Variants in CCNE1 observed in about 807,000 individuals in gnomAD.
CCNE1 encodes cyclin E1.
CCNE1 carries 8 observed loss-of-function variants against 54.1 expected under a neutral mutation model. That is an observed-to-expected ratio of 0.15 (90% CI 0.09 to 0.27). The LOEUF (loss-of-function observed/expected upper bound fraction) is 0.27, where lower values mean the gene tolerates loss of function less well. CCNE1 is among the 10% of genes least tolerant of loss of function. The probability of loss-of-function intolerance (pLI) is 1.00; values close to 1 mark genes in which losing one functional copy is unlikely to be tolerated. For missense variants in CCNE1, 430 were observed against 514.9 expected, an observed-to-expected ratio of 0.84 and a Z score of 1.60; for synonymous variants, 179 against 185.2, an observed-to-expected ratio of 0.97 and a Z score of 0.27.
In CCNE1 at chr19:29,817,266, C is replaced by G; in HGVS notation, c.310C>G (p.Pro104Ala). The change falls in exon 5 of 12, where the codon CCG (proline) becomes GCG (alanine). Residue 104 changes from proline (P) to alanine (A), a missense_variant. Around this residue, in one of 2 missense-constraint regions of CCNE1, gnomAD observed 303 missense variants for 401.1 expected, o/e 0.76. Transcript: ENST00000262643. ...PRIIAPSRGS[P>A]LPVLSWANRE... ...GATTATTGCACCATCCAGAGGCTCC[C>G]CGCTGCCTGTACTGAGGTCAGTGCC... 6.2e-7 allele frequency: 1 copy of G among 1,614,214 alleles called. No homozygotes were observed. The highest frequency in any genetic ancestry group is 8.5e-7 in the Non-Finnish European group (1 of 1,180,050).
chr19:29,819,888 C>T (rs1253521959), intron 6 of CCNE1, among the ~76,000 whole-genome samples: 5 of 152,186 alleles, frequency 3.3e-5, no homozygotes, highest in Admixed American at 3.3e-4. Context: ...CCCTCATCCT[C>T]GGGGGTACAT....
intron 6 of CCNE1, among the ~76,000 whole-genome samples, chr19:29,818,316 G>A (rs533939275): frequency 9.9e-5 from 15 of 151,996 alleles, no homozygotes; most frequent in South Asian, 4.2e-4. Context: ...GTGAGCCACC[G>A]CACCCTGCCT....
rs1599595353 is a variant in CCNE1, at chr19:29,813,229, A to G, written c.180+192A>G. On this transcript the variant is annotated intron_variant, in intron 4 of 11. Transcript: ENST00000262643. Reference sequence around the variant, plus strand: ...CTCTGCCAGTCCTGGGATTCCAGGAAGCTTGGTGTTCCTGACTGGCACCGT... The same window carrying G: ...CTCTGCCAGTCCTGGGATTCCAGGAGGCTTGGTGTTCCTGACTGGCACCGT... 27 of 598,388 alleles carry G rather than the reference A, an allele frequency of 4.5e-5. No homozygotes were observed. The East Asian group carries it at 7.5e-4, about 17-fold the overall frequency. The allele number at this position is 598,388 out of a possible 1,614,324, so 37.1% of individuals were successfully genotyped here. A position where few individuals can be genotyped will look rare whatever the true frequency, so the allele number is the denominator to read the frequency against.
At position 29,823,741 on chromosome 19, in the gene CCNE1, C is replaced by T. The variant is rs759941749; in HGVS notation, c.1197C>T (p.Ser399=). ...LPSGLLTPPQ[S]GKKQSSGPEM... is the part of the protein sequence containing the mutation. ...GTGGGCTCCTCACCCCGCCACAGAG[C>T]GGTAAGAAGCAGAGCAGCGGGCCGG... The change falls in exon 12 of 12, where the codon AGC becomes AGT. Residue 399 remains serine, a synonymous_variant. Transcript: ENST00000262643. 2.7e-5 allele frequency: 44 copies of T among 1,613,952 alleles called. No individual in the cohort carries two copies. The highest frequency in any genetic ancestry group is 3.2e-5 in the Non-Finnish European group (38 of 1,179,994).
chr19:29,822,215 C>G, intron 9 of CCNE1, 25 bp from the exon 10 acceptor site: 1 of 1,610,918 alleles, frequency 6.2e-7, no homozygotes, highest in Non-Finnish European at 8.5e-7. Flanking sequence ...TGGCATCCAT[C>G]TCAGCGTTCT....
chr19:29,816,849 C>A, intron 4 of CCNE1, among the ~76,000 whole-genome samples: 1 of 114,756 alleles, frequency 8.7e-6, no homozygotes, highest in Non-Finnish European at 1.7e-5. Context: ...CTATCCCTCC[C>A]CCCTCCCCCC....
At chr19:29,823,397 A>G (rs1340391103) in intron 11 of CCNE1, among the ~76,000 whole-genome samples, 1 of 152,142 alleles carries the variant, frequency 6.6e-6, no homozygotes. Context: ...TACAAAAATT[A>G]GCTGGACATG....
rs766552278 is a variant in CCNE1, at chr19:29,820,821, A to T, written c.582A>T (p.Ser194=). ...CTCTTTTACAGCTTATTGGGATTTC[A>T]TCTTTATTTATTGCAGCCAAACTTG... is the stretch of plus-strand genomic sequence containing the variant. ...VKTLLQLIGI[S]SLFIAAKLEE... is the part of the protein sequence containing the mutation. The change falls in exon 7 of 12, where the codon TCA becomes TCT. Residue 194 remains serine, a synonymous_variant. Transcript: ENST00000262643. 2.1e-5 allele frequency: 34 copies of T among 1,600,236 alleles called. No homozygotes were observed. The African/African-American group carries it at 3.4e-4, about 16-fold the overall frequency.
At chr19:29,821,581 G>T (rs1210634798) in intron 7 of CCNE1, 141 bp from the exon 8 acceptor site, 15 of 294,570 alleles carry the variant, frequency 5.1e-5, no homozygotes, top group Admixed American at 3.2e-4. Context: ...TACAACCATT[G>T]GTGTGGCTTC....
At chr19:29,815,441 C>T (rs527543675) in intron 4 of CCNE1, among the ~76,000 whole-genome samples, 1 of 152,262 alleles carries the variant, frequency 6.6e-6, no homozygotes, top group African/African-American at 2.4e-5. Flanking sequence ...TGGGGAAGAG[C>T]TTTATCTGGC....
Position 29,821,756 on chromosome 19 carries a change from A to G in CCNE1, c.644A>G (p.Tyr215Cys). 1.2e-6 allele frequency: 2 copies of G among 1,613,254 alleles called. No individual in the cohort carries two copies. Among genetic ancestry groups the G allele is most frequent in the Non-Finnish European group, 1.7e-6 (2 of 1,179,292 alleles). ...CCTCCAAAGTTGCACCAGTTTGCGT[A>G]TGTGACAGATGGAGCTTGTTCAGGA... is the stretch of plus-strand genomic sequence containing the variant. ...IYPPKLHQFA[Y>C]VTDGACSGDE... is the part of the protein sequence containing the mutation. Residue 215 changes from tyrosine (Y) to cysteine (C), a missense_variant, in exon 8 of 12, where the codon TAT becomes TGT. By Grantham distance (194) the Tyr-to-Cys change is radical. Around this residue, in one of 2 missense-constraint regions of CCNE1, gnomAD observed 303 missense variants for 401.1 expected, o/e 0.76. Transcript: ENST00000262643.
chr19:29,821,843 A>G, intron 8 of CCNE1, 26 bp downstream of exon 8: 1 of 1,563,278 alleles, frequency 6.4e-7, no homozygotes, highest in East Asian at 2.2e-5. Flanking sequence ...TTTTCCGGCC[A>G]TTTTTTAAAT....
chr19:29,823,620 CTCTAATGTGTTG>C, intron 11 of CCNE1, 23 bp from the exon 12 acceptor site: 1 of 1,598,304 alleles, frequency 6.3e-7, no homozygotes, highest in Non-Finnish European at 8.5e-7. Flanking sequence ...ATATGTTCTA[CTCTAATGTGTTG>C]TCCCTTTTAT....
At position 29,822,023 on chromosome 19, in the gene CCNE1, A is replaced by T. The variant is rs1217245270; in HGVS notation, c.733A>T (p.Thr245Ser). 1.2e-6 allele frequency: 2 copies of T among 1,613,338 alleles called. No individual in the cohort carries two copies. Among genetic ancestry groups the T allele is most frequent in the Admixed American group, 1.7e-5 (1 of 59,848 alleles). ...KALKWRLSPL[T>S]IVSWLNVYMQ... is the part of the protein sequence containing the mutation. Reference sequence around the variant, plus strand: ...CCTTAAGTGGCGTTTAAGTCCCCTGACTATTGTGTCCTGGCTGAATGTATA... The same window carrying T: ...CCTTAAGTGGCGTTTAAGTCCCCTGTCTATTGTGTCCTGGCTGAATGTATA... The change falls in exon 9 of 12, where the codon ACT (threonine) becomes TCT (serine). Residue 245 changes from threonine to serine, a missense_variant. Physicochemically the swap from Thr to Ser is moderately conservative, Grantham distance 58 (BLOSUM62 1). Around this residue, in one of 2 missense-constraint regions of CCNE1, gnomAD observed 303 missense variants for 401.1 expected, o/e 0.76. Coordinates refer to ENST00000262643, the MANE Select transcript of CCNE1 (RefSeq NM_001238.4).
At chr19:29,813,987 G>A (rs565737027) in intron 4 of CCNE1, among the ~76,000 whole-genome samples, 36 of 152,322 alleles carry the variant, frequency 2.4e-4, no homozygotes, top group Admixed American at 1.8e-3. Flanking sequence ...GCAGCAGCCA[G>A]GGTAGTTCAT....
At chr19:29,817,367 C>T (rs2145722161) in intron 5 of CCNE1, 39 bp from the exon 6 acceptor site, 11 of 1,613,764 alleles carry the variant, frequency 6.8e-6, no homozygotes, top group Non-Finnish European at 9.3e-6. Context: ...CATTCTTACC[C>T]CTTTGTGGGC....
rs1443725500 is a variant in CCNE1 at position 29,820,607 on chromosome 19, AT to A, written c.463-94del. 3.9e-5 allele frequency: 35 copies of A among 894,980 alleles called. 1 individual carries two copies. The Admixed American group carries it at 8.9e-4, about 23-fold the overall frequency. The allele number at this position is 894,980 out of a possible 1,614,324, so 55.4% of individuals were successfully genotyped here. ...GTTGAGTTCAGGAACTTTGCATTTT[AT>A]ATTTTCCTTCACCAAAGTCATTACA... On this transcript the variant is annotated intron_variant, in intron 6 of 11. Transcript: ENST00000262643.
rs1240046158 is a variant in CCNE1, at chr19:29,823,911, C to T, written c.*134C>T. On this transcript the variant is annotated 3_prime_UTR_variant, in exon 12 of 12. Transcript: ENST00000262643. ...TGTTTCTTCCACAACAGAAGTATTT[C>T]TGTGGATGGCATCAAACAGGGCAAA... 9.8e-7 allele frequency: 1 copy of T among 1,022,536 alleles called. No individual in the cohort carries two copies. The highest frequency in any genetic ancestry group is 1.4e-6 in the Non-Finnish European group (1 of 725,120). 63.3% of individuals were successfully genotyped at this position (1,022,536 alleles called of 1,614,324 possible). A position where few individuals can be genotyped will look rare whatever the true frequency, so the allele number is the denominator to read the frequency against.
At chr19:29,820,634 A>G in intron 6 of CCNE1, 68 bp from the exon 7 acceptor site, 1 of 971,870 alleles carries the variant, frequency 1.0e-6, no homozygotes, top group Non-Finnish European at 1.5e-6. Flanking sequence ...AGTCATTACA[A>G]GTTTTTTTTT....
Sources: allele counts gnomAD v4.1 joint callset (sites outside exome capture counted in the v4.1 genomes callset), GRCh38; gene constraint gnomAD v4.1.1; regional missense constraint gnomAD v4.1.1; transcripts MANE v1.5; gene names NCBI Gene and HGNC (gene_info 2026-07-23, HGNC 2026-07-21).